Variants in SOX5 observed in about 807,000 individuals in gnomAD.
The protein encoded by SOX5 is SRY-box transcription factor 5, also known as transcription factor SOX-5.
Under a neutral mutation model 92.0 loss-of-function variants are expected in SOX5, and 9 were observed. That is an observed-to-expected ratio of 0.10 (90% CI 0.06 to 0.17). SOX5 has a LOEUF of 0.17. Ranked by LOEUF, SOX5 falls within the 10% of genes least tolerant of loss-of-function variation. SOX5 has a pLI of 1.00. For synonymous variants in SOX5, 344 were observed against 336.3 expected, an observed-to-expected ratio of 1.02 and a Z score of -0.25; for missense variants, 642 against 944.5, an observed-to-expected ratio of 0.68 and a Z score of 4.20.
In SOX5 at chr12:23,850,870, C is replaced by G. The variant is rs142716993; in HGVS notation, c.271-4677G>C. 2.0e-5 allele frequency among the ~76,000 whole-genome samples: 3 copies of G among 152,246 alleles called. No individual in the cohort carries two copies. The East Asian group carries it at 5.8e-4, about 29-fold the overall frequency. The stretch of plus-strand genomic sequence containing the variant: ...ACAGACACACACTCATACAATTGCA[C>G]GCACAATTTCATATAGTTTTACAGA... On this transcript the variant is annotated intron_variant, in intron 2 of 14. Coordinates refer to ENST00000451604, the MANE Select transcript of SOX5 (RefSeq NM_006940.6).
chr12:24,547,583 T>C (rs1250671278), intron 1 of SOX5, among the ~76,000 whole-genome samples: 4 of 152,222 alleles, frequency 2.6e-5, no homozygotes, highest in Admixed American at 6.5e-5. Context: ...TGGGTATAGT[T>C]GTCAATAGGA....
chr12:24,519,880 T>G (rs1950116036), intron 1 of SOX5, among the ~76,000 whole-genome samples: 1 of 152,052 alleles, frequency 6.6e-6, no homozygotes. Context: ...TGAGGCACAT[T>G]ACAATCAAAT....
chr12:23,894,475 C>T lies in SOX5; in HGVS notation c.270+1318G>A, dbSNP rs562721522. Among the ~76,000 whole-genome samples, 7 of 152,232 alleles carry T rather than the reference C, an allele frequency of 4.6e-5. No individual in the cohort carries two copies. The South Asian group carries it at 1.5e-3, about 32-fold the overall frequency. On this transcript the variant is annotated intron_variant, in intron 2 of 14. Coordinates refer to ENST00000451604, the MANE Select transcript of SOX5 (RefSeq NM_006940.6). ...CTCCTGACCTCAAGTGATCTACTCA[C>T]CTTGGCCTCCCAAAGTGCTGGGATT...
chr12:23,780,822 A>T (rs1281783300), intron 3 of SOX5, among the ~76,000 whole-genome samples: 1 of 152,094 alleles, frequency 6.6e-6, no homozygotes, highest in Non-Finnish European at 1.5e-5. Context: ...TAAGAATGGT[A>T]TTTAAAAATC....
intron 1 of SOX5, among the ~76,000 whole-genome samples, chr12:24,397,398 C>A (rs1189002221): frequency 6.6e-6 from 1 of 152,176 alleles, no homozygotes; most frequent in African/African-American, 2.4e-5. Flanking sequence ...TTCTTCTTTA[C>A]AATTTACAGA....
intron 2 of SOX5, among the ~76,000 whole-genome samples, chr12:24,346,453 CTTTT>C (rs35587389): frequency 7.1e-6 from 1 of 140,944 alleles, no homozygotes; most frequent in Non-Finnish European, 1.5e-5. Context: ...TTTTGGAGTA[CTTTT>C]TTTTTTTTTT....
chr12:23,670,074 G>A (rs1417072336), intron 6 of SOX5, among the ~76,000 whole-genome samples: 1 of 152,140 alleles, frequency 6.6e-6, no homozygotes, highest in Non-Finnish European at 1.5e-5. Context: ...TAAAATTAAA[G>A]TTAGACAAAA....
chr12:23,850,103 T>C (rs1278200650), intron 2 of SOX5, among the ~76,000 whole-genome samples: 3 of 152,134 alleles, frequency 2.0e-5, no homozygotes, highest in Non-Finnish European at 4.4e-5. Flanking sequence ...CATAGTCATG[T>C]TCCTCTTCCA....
At chr12:23,999,739 A>G (rs889628296) in intron 4 of SOX5, among the ~76,000 whole-genome samples, 1 of 152,036 alleles carries the variant, frequency 6.6e-6, no homozygotes, top group Non-Finnish European at 1.5e-5. Flanking sequence ...CTACAGAAAA[A>G]AACTCAACTG....
intron 1 of SOX5, among the ~76,000 whole-genome samples, chr12:24,536,567 G>A (rs1951661530): frequency 3.3e-5 from 5 of 152,026 alleles, no homozygotes. Context: ...TTTTCATACA[G>A]TTTAGATAGT....
intron 2 of SOX5, among the ~76,000 whole-genome samples, chr12:24,358,783 G>A (rs978183058): frequency 6.6e-6 from 1 of 152,106 alleles, no homozygotes; most frequent in Non-Finnish European, 1.5e-5. Flanking sequence ...ACCAGATAAA[G>A]TTAATTACCT....
chr12:24,403,312 A>C (rs1046508413), intron 1 of SOX5, among the ~76,000 whole-genome samples: 1 of 152,100 alleles, frequency 6.6e-6, no homozygotes, highest in Non-Finnish European at 1.5e-5. Flanking sequence ...TATTATAAAG[A>C]CTCATTCACT....
At chr12:23,702,608 A>G (rs1294938379) in intron 6 of SOX5, among the ~76,000 whole-genome samples, 1 of 152,086 alleles carries the variant, frequency 6.6e-6, no homozygotes, top group East Asian at 1.9e-4. Flanking sequence ...TCTTGAAATG[A>G]TAAGAAAAAG....
In SOX5 at chr12:23,989,262, C is replaced by T. The variant is rs992937996; in HGVS notation, c.-1-93238G>A. On this transcript the variant is annotated intron_variant, in intron 4 of 4. Coordinates refer to the SOX5 transcript ENST00000446891. ...AAAAAATTAGCTAGGCGTGGTGTTGCGTGCCTCTGGTCCCTGCCACTCGGG... is the reference window on the plus strand; with the variant it reads ...AAAAAATTAGCTAGGCGTGGTGTTGTGTGCCTCTGGTCCCTGCCACTCGGG... Among the ~76,000 whole-genome samples, 5 of 148,690 alleles carry T rather than the reference C, an allele frequency of 3.4e-5. No individual in the cohort carries two copies. The East Asian group carries it at 5.9e-4, about 17-fold the overall frequency.
In SOX5 at chr12:23,858,750, T is replaced by C. The variant is rs539554120; in HGVS notation, c.271-12557A>G. 8.9e-4 allele frequency among the ~76,000 whole-genome samples: 135 copies of C among 152,316 alleles called. 2 individuals are homozygous for C. The highest frequency in any genetic ancestry group is 3.2e-3 in the African/African-American group (131 of 41,578). On this transcript the variant is annotated intron_variant, in intron 2 of 14. Coordinates refer to ENST00000451604, the MANE Select transcript of SOX5 (RefSeq NM_006940.6). ...ACAGAAACCTGCATGTGAATGTTCA[T>C]TGCAGCACTGTTTACTGTTGCAGAA...
intron 3 of SOX5, among the ~76,000 whole-genome samples, chr12:23,828,574 C>G (rs2096268178): frequency 6.6e-6 from 1 of 152,042 alleles, no homozygotes. Flanking sequence ...TGAGCTTATA[C>G]TTCATAAAAG....
chr12:24,108,390 C>T (rs1028306333), intron 4 of SOX5, among the ~76,000 whole-genome samples: 1 of 152,060 alleles, frequency 6.6e-6, no homozygotes, highest in Non-Finnish European at 1.5e-5. Flanking sequence ...ATGTTCATCA[C>T]TGAAAAATGT....
chr12:24,079,646 T>C (rs995670574), intron 4 of SOX5, among the ~76,000 whole-genome samples: 2 of 151,886 alleles, frequency 1.3e-5, no homozygotes, highest in African/African-American at 4.8e-5. Context: ...GTCCAATATG[T>C]ATACTAAGGA....
At chr12:23,816,209 T>C (rs1268841814) in intron 3 of SOX5, among the ~76,000 whole-genome samples, 3 of 27,988 alleles carry the variant, frequency 1.1e-4, no homozygotes, top group African/African-American at 3.1e-4. Flanking sequence ...CAAGATTTCT[T>C]TTTTTTTTTT....
Sources: allele counts gnomAD v4.1 joint callset (sites outside exome capture counted in the v4.1 genomes callset), GRCh38; gene constraint gnomAD v4.1.1; transcripts MANE v1.5; gene names NCBI Gene and HGNC (gene_info 2026-07-23, HGNC 2026-07-21).